NEBL: variants seen among roughly 807,000 people sequenced by gnomAD.
NEBL encodes the protein nebulette, also known as LIM and SH3 protein 2.
NEBL carries 122 observed loss-of-function variants against 140.2 expected under a neutral mutation model. That is an observed-to-expected ratio of 0.87 (90% confidence interval 0.75 to 1.01). The LOEUF is 1.01. Among genes scored for constraint, NEBL ranks in the 50% least tolerant of loss-of-function variants. The pLI is 0.00. For synonymous variants in NEBL, 436 were observed against 398.9 expected (o/e 1.09, Z -1.11); for missense variants, 1,365 against 1,231.3 (o/e 1.11, Z -1.62).
intron 3 of NEBL, among the ~76,000 whole-genome samples, chr10:21,242,866 G>A (rs1842458895): frequency 6.6e-6 from 1 of 152,140 alleles, no homozygotes; most frequent in Non-Finnish European, 1.5e-5. Context: ...AGTGAGCTAT[G>A]AAATGTCAAC....
chr10:21,267,575 A>C (rs1842811677), intron 1 of NEBL, among the ~76,000 whole-genome samples: 1 of 152,162 alleles, frequency 6.6e-6, no homozygotes, highest in African/African-American at 2.4e-5. Flanking sequence ...TTTCTCACGC[A>C]AGACTTCTCC....
At chr10:20,951,146 G>C (rs934743024) in intron 4 of NEBL, among the ~76,000 whole-genome samples, 4 of 152,060 alleles carry the variant, frequency 2.6e-5, no homozygotes, top group African/African-American at 9.7e-5. Context: ...TGTTACAATT[G>C]ATATAGCCAC....
chr10:21,232,136 T>TTC lies in NEBL; in HGVS notation n.348+15783_348+15784dup, dbSNP rs541188669. Among the ~76,000 whole-genome samples the TTC allele has an allele frequency of 3.0e-3, 462 of 151,794 alleles. 1 individual carries two copies. The highest frequency in any genetic ancestry group is 9.6e-3 in the African/African-American group (400 of 41,458). On this transcript the variant is annotated intron_variant and non_coding_transcript_variant, in intron 3 of 8. Coordinates refer to the NEBL transcript ENST00000675702. ...ACTGCCACAGGGTTGTTGTTTTTTTTTCTCTCTCTCTCTCTTCTTTTTCTC... is the reference window on the plus strand; with the variant it reads ...ACTGCCACAGGGTTGTTGTTTTTTTTTCTCTCTCTCTCTCTCTTCTTTTTCTC...
At chr10:20,860,811 ACT>A (rs1843624196) in intron 7 of NEBL, among the ~76,000 whole-genome samples, 1 of 152,080 alleles carries the variant, frequency 6.6e-6, no homozygotes, top group Non-Finnish European at 1.5e-5. Context: ...ATTTGGGATG[ACT>A]CTCATCAAAT....
At chr10:21,020,126 C>A (rs1389697205) in exon 3 of NEBL, 1 of 1,613,676 alleles carries the variant, frequency 6.2e-7, no homozygotes, top group Non-Finnish European at 8.5e-7. Context: ...CCTGACTCTG[C>A]AATTCACTTT....
intron 24 of NEBL, among the ~76,000 whole-genome samples, chr10:20,811,360 C>A (rs1362918779): frequency 6.6e-6 from 1 of 152,168 alleles, no homozygotes; most frequent in Non-Finnish European, 1.5e-5. Flanking sequence ...GTAAGCTGTA[C>A]AGACTTTAGC....
At chr10:21,006,858 T>C (rs1838157616) in intron 3 of NEBL, among the ~76,000 whole-genome samples, 1 of 152,186 alleles carries the variant, frequency 6.6e-6, no homozygotes, top group South Asian at 2.1e-4. Flanking sequence ...TCAAACCATT[T>C]TCGATCCACA....
chr10:21,135,059 T>A (rs889799861), intron 2 of NEBL, among the ~76,000 whole-genome samples: 1 of 152,214 alleles, frequency 6.6e-6, no homozygotes, highest in Admixed American at 6.5e-5. Flanking sequence ...CAGTACACTC[T>A]TTCATTTCCT....
chr10:20,997,411 A>G (rs536251012), intron 3 of NEBL, among the ~76,000 whole-genome samples: 172 of 143,090 alleles, frequency 1.2e-3, no homozygotes, highest in African/African-American at 4.0e-3. Context: ...GGCCACAGTC[A>G]CCATTAGGTA....
At chr10:21,145,311 A>G (rs558367953) in intron 2 of NEBL, among the ~76,000 whole-genome samples, 157 of 152,344 alleles carry the variant, frequency 1.0e-3, no homozygotes, top group African/African-American at 3.5e-3. Flanking sequence ...CACATATGCC[A>G]AAGTTATTTG....
chr10:21,240,408 C>T (rs531185220), intron 3 of NEBL, among the ~76,000 whole-genome samples: 2 of 152,124 alleles, frequency 1.3e-5, no homozygotes, highest in African/African-American at 4.8e-5. Flanking sequence ...CTTTGGGTAC[C>T]AAGGCAGGAG....
chr10:20,944,433 A>G (rs773406504), intron 4 of NEBL, among the ~76,000 whole-genome samples: 1 of 152,130 alleles, frequency 6.6e-6, no homozygotes, highest in Non-Finnish European at 1.5e-5. Context: ...ATAAATAAAT[A>G]AAATTAAATA....
rs1223457853 is a variant in NEBL at position 20,814,032 on chromosome 10, G to A, written c.2253C>T (p.Thr751=). The change falls in exon 23 of 28, where the codon ACC becomes ACT. Residue 751 remains threonine, a synonymous_variant. Transcript: ENST00000377122. ...TACCTTTCATCTGTTTATGGTCCTG[G>A]GTATATTTTACCTGCAAAGTAAATA... The part of the protein sequence containing the change: ...NQENISSVKY[T]QDHKQMKGRP... 1.3e-6 allele frequency: 2 copies of A among 1,598,232 alleles called. No individual in the cohort carries two copies. Among genetic ancestry groups the A allele is most frequent in the African/African-American group, 2.7e-5 (2 of 74,412 alleles).
At chr10:21,184,073 G>A (rs1246468631) in intron 3 of NEBL, among the ~76,000 whole-genome samples, 1 of 152,092 alleles carries the variant, frequency 6.6e-6, no homozygotes, top group Non-Finnish European at 1.5e-5. Context: ...CCCAGTCTTA[G>A]GTATGTCTTC....
At chr10:20,979,023 C>A (rs1337018225) in intron 3 of NEBL, among the ~76,000 whole-genome samples, 1 of 151,980 alleles carries the variant, frequency 6.6e-6, no homozygotes, top group African/African-American at 2.4e-5. Context: ...TAAATCAATT[C>A]TATTTCTCTA....
upstream of NEBL, among the ~76,000 whole-genome samples, chr10:21,179,773 T>C (rs1356551835): frequency 2.0e-5 from 3 of 149,736 alleles, no homozygotes; most frequent in Non-Finnish European, 4.4e-5. Context: ...GATGCTACAC[T>C]GCTGGCCTTG....
intron 4 of NEBL, among the ~76,000 whole-genome samples, chr10:20,940,191 C>A (rs2131563245): frequency 6.6e-6 from 1 of 152,210 alleles, no homozygotes; most frequent in South Asian, 2.1e-4. Flanking sequence ...GGAAGTAAAG[C>A]ACTCCTCAGC....
intron 3 of NEBL, 103 bp downstream of exon 3, chr10:20,889,742 G>T: frequency 1.3e-6 from 1 of 766,392 alleles, no homozygotes; most frequent in South Asian, 1.5e-5. Flanking sequence ...ATTCAGTAGT[G>T]CTTTTGAAAA....
intron 3 of NEBL, among the ~76,000 whole-genome samples, chr10:20,996,531 T>C (rs970717726): frequency 6.6e-6 from 1 of 152,164 alleles, no homozygotes; most frequent in African/African-American, 2.4e-5. Flanking sequence ...AACATCACCA[T>C]TCTAAAATAA....
Sources: gnomAD v4.1 joint callset for allele counts (sites outside exome capture counted in the v4.1 genomes callset) on GRCh38, gnomAD v4.1.1 for gene constraint, MANE v1.5 for transcripts, NCBI Gene and HGNC (gene_info 2026-07-23, HGNC 2026-07-21) for gene names.